The following DAPK1 variants were observed in gnomAD, a reference collection of about 807,000 sequenced individuals.
DAPK1 encodes the protein death-associated protein kinase 1.
DAPK1 carries 56 observed loss-of-function variants against 144.9 expected under a neutral mutation model. The observed-to-expected ratio is 0.39, with a 90% CI of 0.31 to 0.48. The LOEUF is 0.48. Among genes scored for constraint, DAPK1 ranks in the 20% least tolerant of loss-of-function variants. DAPK1 has a pLI of 0.95. For synonymous variants in DAPK1, 690 were observed against 749.0 expected, an observed-to-expected ratio of 0.92 and a Z score of 1.29; for missense variants, 1,454 against 1,875.4, an observed-to-expected ratio of 0.78 and a Z score of 4.15.
At chr9:87,583,648 G>T (rs533474114) in intron 2 of DAPK1, among the ~76,000 whole-genome samples, 1 of 152,066 alleles carries the variant, frequency 6.6e-6, no homozygotes, top group African/African-American at 2.4e-5. Flanking sequence ...GCACCCCACC[G>T]TGGAGTTCCT....
chr9:87,648,681 A>G, intron 14 of DAPK1, 100 bp from the exon 15 acceptor site: 1 of 1,066,238 alleles, frequency 9.4e-7, no homozygotes, highest in Non-Finnish European at 1.4e-6. Flanking sequence ...CAAAGGGGAC[A>G]GAGTGGAACC....
Position 87,686,425 on chromosome 9 carries a change from C to A in DAPK1, c.2225-126C>A. The stretch of plus-strand genomic sequence containing the variant: ...ACGTGTGAGGGCAGACACACTCAGC[C>A]TGAAGCCAGAGTTGGGGTGGGGACA... On this transcript the variant is annotated intron_variant, in intron 20 of 25. Transcript: ENST00000408954. The surrounding 1 kb of genome is among the most constrained non-coding windows in gnomAD (Gnocchi z 4.2). 1 of 636,618 alleles carries A rather than the reference C, an allele frequency of 1.6e-6. No homozygotes were observed. The highest frequency in any genetic ancestry group is 2.8e-6 in the Non-Finnish European group (1 of 351,120). The allele number at this position is 636,618 out of a possible 1,614,324, so 39.4% of individuals were successfully genotyped here.
chr9:87,623,463 G>A (rs1427563100), intron 3 of DAPK1, among the ~76,000 whole-genome samples: 1 of 152,180 alleles, frequency 6.6e-6, no homozygotes, highest in East Asian at 1.9e-4. Flanking sequence ...AGTTGGCAGA[G>A]CTAACAGGTT....
intron 3 of DAPK1, among the ~76,000 whole-genome samples, chr9:87,609,330 C>A (rs965316008): frequency 3.3e-5 from 5 of 152,118 alleles, no homozygotes; most frequent in Non-Finnish European, 4.4e-5. Flanking sequence ...GCATATGATG[C>A]GTAGGATGCA....
chr9:87,670,726 C>G (rs1393315724), intron 19 of DAPK1, among the ~76,000 whole-genome samples: 1 of 152,162 alleles, frequency 6.6e-6, no homozygotes, highest in Non-Finnish European at 1.5e-5. Flanking sequence ...CATTCACTCT[C>G]AACTTCGAGT....
At chr9:87,571,476 A>ACACCC (rs771023885) in intron 2 of DAPK1, among the ~76,000 whole-genome samples, 1 of 48,548 alleles carries the variant, frequency 2.1e-5, no homozygotes, top group Non-Finnish European at 3.7e-5. Flanking sequence ...CACACACACC[A>ACACCC]ACACACACAC....
chr9:87,691,935 G>A (rs1825068678), intron 21 of DAPK1, among the ~76,000 whole-genome samples: 1 of 152,078 alleles, frequency 6.6e-6, no homozygotes, highest in African/African-American at 2.4e-5. Flanking sequence ...TCTGTGTGCT[G>A]ATGAGAAAAT....
intron 3 of DAPK1, chr9:87,632,770 A>G: frequency 1.6e-5 from 16 of 982,344 alleles, no homozygotes; most frequent in Non-Finnish European, 1.9e-5. Context: ...ATGAGTATAT[A>G]TGTAGATATG....
chr9:87,609,487 T>G (rs1828851002), intron 3 of DAPK1, among the ~76,000 whole-genome samples: 1 of 152,236 alleles, frequency 6.6e-6, no homozygotes, highest in African/African-American at 2.4e-5. Flanking sequence ...AGGTGTGTTA[T>G]AATTTTTTTT....
chr9:87,595,994 G>A (rs986701535), intron 2 of DAPK1, among the ~76,000 whole-genome samples: 4 of 151,798 alleles, frequency 2.6e-5, no homozygotes, highest in African/African-American at 7.3e-5. Context: ...AAAAATCACC[G>A]CTTTGCTTTT....
intron 2 of DAPK1, among the ~76,000 whole-genome samples, chr9:87,578,604 A>G (rs1204654919): frequency 6.6e-6 from 1 of 152,228 alleles, no homozygotes; most frequent in East Asian, 1.9e-4. Flanking sequence ...CCCACTCTGA[A>G]TAAGACAGTG....
chr9:87,526,410 G>C (rs1359966562), intron 2 of DAPK1, among the ~76,000 whole-genome samples: 2 of 152,116 alleles, frequency 1.3e-5, no homozygotes, highest in Non-Finnish European at 1.5e-5. Context: ...TAGAATCATG[G>C]CATATATACC....
chr9:87,591,215 T>A (rs915392403), intron 2 of DAPK1, among the ~76,000 whole-genome samples: 2 of 152,300 alleles, frequency 1.3e-5, no homozygotes, highest in East Asian at 3.9e-4. Flanking sequence ...TTCAGATGAA[T>A]GTACAGGATC....
intron 25 of DAPK1, among the ~76,000 whole-genome samples, chr9:87,703,590 A>G (rs1825533509): frequency 6.6e-6 from 1 of 152,168 alleles, no homozygotes; most frequent in Non-Finnish European, 1.5e-5. Flanking sequence ...GCGTGGAGTC[A>G]TCAGCTCCAC....
chr9:87,613,143 A>C (rs1828985645), intron 3 of DAPK1, among the ~76,000 whole-genome samples: 2 of 152,196 alleles, frequency 1.3e-5, no homozygotes, highest in Admixed American at 1.3e-4. Context: ...GTTGTAGCCA[A>C]GTGCAGGGCG....
chr9:87,529,115 C>A (rs775829730), intron 2 of DAPK1, among the ~76,000 whole-genome samples: 12 of 152,114 alleles, frequency 7.9e-5, no homozygotes, highest in Admixed American at 2.0e-4. Flanking sequence ...GCACAAGACC[C>A]CAGAAGTCTG....
intron 2 of DAPK1, among the ~76,000 whole-genome samples, chr9:87,551,394 C>T (rs1826479080): frequency 6.6e-6 from 1 of 152,196 alleles, no homozygotes; most frequent in South Asian, 2.1e-4. Flanking sequence ...GATCCACCCA[C>T]CTTGGCCTCC....
At chr9:87,615,968 G>A (rs1490204620) in intron 3 of DAPK1, among the ~76,000 whole-genome samples, 2 of 152,262 alleles carry the variant, frequency 1.3e-5, no homozygotes, top group Non-Finnish European at 2.9e-5. Flanking sequence ...TCTGTGGGCT[G>A]GTTGGCCAGC....
intron 2 of DAPK1, among the ~76,000 whole-genome samples, chr9:87,576,479 CCTTAGTTG>C: frequency 6.6e-6 from 1 of 152,242 alleles, no homozygotes; most frequent in East Asian, 1.9e-4. Flanking sequence ...GACTGGTGAG[CCTTAGTTG>C]CATTTTGGCC....
Sources: gnomAD v4.1 joint callset for allele counts (sites outside exome capture counted in the v4.1 genomes callset) on GRCh38, gnomAD v4.1.1 for gene constraint, Gnocchi (gnomAD v3.1) non-coding constraint, MANE v1.5 for transcripts, NCBI Gene and HGNC (gene_info 2026-07-23, HGNC 2026-07-21) for gene names.